Variants in AOPEP observed in about 807,000 individuals in gnomAD.
AOPEP encodes the protein aminopeptidase O (putative).
In AOPEP, 77 loss-of-function variants were observed where a neutral mutation model predicts 98.1. The observed-to-expected ratio is 0.78, with a 90% CI of 0.65 to 0.95. AOPEP has a LOEUF of 0.95. Ranked by LOEUF, AOPEP falls within the 40% of genes least tolerant of loss-of-function variation. The probability of loss-of-function intolerance (pLI) is 0.00; values close to 1 mark genes in which losing one functional copy is unlikely to be tolerated. For synonymous variants in AOPEP, 346 were observed against 365.3 expected, an observed-to-expected ratio of 0.95 and a Z score of 0.60; for missense variants, 1,024 against 1,024.7, an observed-to-expected ratio of 1.00 and a Z score of 0.01.
At chr9:95,022,475 C>T (rs954727820) in intron 13 of AOPEP, among the ~76,000 whole-genome samples, 6 of 152,096 alleles carry the variant, frequency 3.9e-5, no homozygotes, top group African/African-American at 1.4e-4. Context: ...GTAGCTGGGA[C>T]TACGGGTGCC....
chr9:94,920,006 G>A (rs541278137), intron 5 of AOPEP, among the ~76,000 whole-genome samples: 11 of 152,242 alleles, frequency 7.2e-5, no homozygotes, highest in Middle Eastern at 3.4e-3. Context: ...GTAAACTTGC[G>A]GCCAGGCGCA....
chr9:94,903,606 T>C (rs1229143836), intron 5 of AOPEP, among the ~76,000 whole-genome samples: 1 of 141,274 alleles, frequency 7.1e-6, no homozygotes, highest in Non-Finnish European at 1.5e-5. Context: ...CTGGGCAATG[T>C]AGCAAGACTC....
At chr9:94,806,787 C>T (rs1472517743) in intron 5 of AOPEP, among the ~76,000 whole-genome samples, 2 of 152,126 alleles carry the variant, frequency 1.3e-5, no homozygotes, top group Non-Finnish European at 2.9e-5. Context: ...TTATTTTGTT[C>T]GTCTTGACAA....
chr9:94,732,083 C>G (rs1225986984), intron 1 of AOPEP, among the ~76,000 whole-genome samples: 1 of 152,102 alleles, frequency 6.6e-6, no homozygotes, highest in Non-Finnish European at 1.5e-5. Flanking sequence ...CCCCGCCCAG[C>G]CTGTTCCCTT....
intron 5 of AOPEP, among the ~76,000 whole-genome samples, chr9:94,867,125 C>G (rs1406345488): frequency 6.6e-6 from 1 of 152,112 alleles, no homozygotes; most frequent in African/African-American, 2.4e-5. Context: ...AATTTACTTC[C>G]TACCATTCAG....
the AOPEP span, among the ~76,000 whole-genome samples, chr9:95,102,514 A>G: frequency 6.6e-6 from 1 of 152,238 alleles, no homozygotes; most frequent in Non-Finnish European, 1.5e-5. Flanking sequence ...CTTTAAGCAC[A>G]AGCAGTATTA....
chr9:94,738,718 C>T (rs973153429), intron 1 of AOPEP, among the ~76,000 whole-genome samples: 33 of 152,216 alleles, frequency 2.2e-4, no homozygotes, highest in Non-Finnish European at 3.1e-4. Context: ...GGACTACAGG[C>T]GCCCGCCACC....
Position 94,774,311 on chromosome 9 carries a change from C to CAA in AOPEP, c.964+1164_964+1165dup, listed in dbSNP as rs34936539. On this transcript the variant is annotated intron_variant, in intron 3 of 16. Transcript: ENST00000375315. ...TGGGCGACAGAGTGAGACTCCATCT[C>CAA]AAAAAAAAAAAAAAAAAAAAAAGGG... Among the ~76,000 whole-genome samples the CAA allele has an allele frequency of 4.1e-3, 278 of 67,502 alleles. 2 individuals carry two copies. The highest frequency in any genetic ancestry group is 6.1e-3 in the African/African-American group (102 of 16,592). 44.3% of individuals were successfully genotyped at this position (67,502 alleles called of 152,430 possible). A position where few individuals can be genotyped will look rare whatever the true frequency, so the allele number is the denominator to read the frequency against.
chr9:95,079,699 C>G (rs572178043), intron 14 of AOPEP, among the ~76,000 whole-genome samples: 95 of 152,220 alleles, frequency 6.2e-4, no homozygotes, highest in Non-Finnish European at 1.1e-3. Context: ...TCGGACTCTT[C>G]CACTGTGTCC....
In AOPEP at chr9:94,751,888, C is replaced by CTTTTT. The variant is rs80060505; in HGVS notation, c.-135-7743_-135-7739dup. Among the ~76,000 whole-genome samples, 34 of 104,546 alleles carry CTTTTT rather than the reference C, an allele frequency of 3.3e-4. 1 individual carries two copies. Among genetic ancestry groups the CTTTTT allele is most frequent in the African/African-American group, 1.1e-3 (29 of 26,076 alleles). The allele number at this position is 104,546 out of a possible 152,430, so 68.6% of individuals were successfully genotyped here. A position where few individuals can be genotyped will look rare whatever the true frequency, so the allele number is the denominator to read the frequency against. On this transcript the variant is annotated intron_variant, in intron 1 of 16. Coordinates refer to ENST00000375315, the MANE Select transcript of AOPEP (RefSeq NM_001193329.3). ...ACTGTGAACAGAGTACCCATGAAAACTTTTTTTTTTTTTTTTTTTTTTGAG... is the reference window on the plus strand; with the variant it reads ...ACTGTGAACAGAGTACCCATGAAAACTTTTTTTTTTTTTTTTTTTTTTTTTTTGAG...
chr9:94,853,432 C>T (rs1312208107), intron 5 of AOPEP, among the ~76,000 whole-genome samples: 1 of 151,756 alleles, frequency 6.6e-6, no homozygotes. Flanking sequence ...TGCACTCCAG[C>T]GTGGGCAACA....
intron 11 of AOPEP, chr9:95,004,415 G>A: frequency 2.6e-6 from 1 of 391,146 alleles, no homozygotes; most frequent in Non-Finnish European, 5.2e-6. Flanking sequence ...CGCGGGGCTG[G>A]GTTTCTCTGC....
intron 9 of AOPEP, among the ~76,000 whole-genome samples, chr9:94,963,225 A>T (rs577780545): frequency 1.0e-3 from 155 of 152,136 alleles, no homozygotes; most frequent in African/African-American, 3.7e-3. Context: ...TTCATAAAAT[A>T]CTCGACAGAA....
At chr9:95,012,164 A>G (rs1009306930) in intron 13 of AOPEP, among the ~76,000 whole-genome samples, 1 of 152,244 alleles carries the variant, frequency 6.6e-6, no homozygotes, top group Non-Finnish European at 1.5e-5. Flanking sequence ...AACAATTGCT[A>G]TAAAAAAGAA....
chr9:94,935,866 C>T (rs1451847159), intron 7 of AOPEP, among the ~76,000 whole-genome samples: 8 of 152,194 alleles, frequency 5.3e-5, no homozygotes, highest in Admixed American at 5.2e-4. Context: ...TGATCATCCC[C>T]TCTACCCTGC....
chr9:94,928,779 T>C, intron 7 of AOPEP: 1 of 434,242 alleles, frequency 2.3e-6, no homozygotes, highest in Non-Finnish European at 4.1e-6. Flanking sequence ...GGTCAGATCC[T>C]TCGTTTGAAG....
the AOPEP span, among the ~76,000 whole-genome samples, chr9:95,092,649 C>T: frequency 5.9e-5 from 9 of 152,200 alleles, no homozygotes; most frequent in Non-Finnish European, 1.2e-4. Context: ...AAAGCGCAGC[C>T]GAGGAGGTGC....
chr9:95,023,227 G>T (rs1443633497), intron 13 of AOPEP, among the ~76,000 whole-genome samples: 1 of 152,220 alleles, frequency 6.6e-6, no homozygotes, highest in African/African-American at 2.4e-5. Flanking sequence ...TCTGTGGTGT[G>T]TTATGGGAAC....
chr9:94,905,131 G>A (rs1383109260), intron 5 of AOPEP, among the ~76,000 whole-genome samples: 1 of 152,114 alleles, frequency 6.6e-6, no homozygotes, highest in East Asian at 1.9e-4. Flanking sequence ...CGTATTGATG[G>A]ACACACAAAA....
Sources: allele counts gnomAD v4.1 joint callset (sites outside exome capture counted in the v4.1 genomes callset), GRCh38; gene constraint gnomAD v4.1.1; transcripts MANE v1.5; gene names NCBI Gene and HGNC (gene_info 2026-07-23, HGNC 2026-07-21).